GNL1: variants seen among roughly 807,000 people sequenced by gnomAD.
The protein encoded by GNL1 is guanine nucleotide-binding protein-like 1.
In GNL1, 21 loss-of-function variants were observed where a neutral mutation model predicts 75.2. That is an observed-to-expected ratio of 0.28 (90% CI 0.20 to 0.40). The LOEUF (loss-of-function observed/expected upper bound fraction) is 0.40, where lower values mean the gene tolerates loss of function less well. GNL1 is among the 10% of genes least tolerant of loss of function. The pLI, the probability that GNL1 is intolerant of heterozygous loss-of-function variation, is 1.00. For synonymous variants in GNL1, 287 were observed against 303.4 expected, an observed-to-expected ratio of 0.95 and a Z score of 0.56; for missense variants, 579 against 775.0, an observed-to-expected ratio of 0.75 and a Z score of 3.00.
In GNL1 at chr6:30,550,478, C is replaced by T. The variant is rs184893579; in HGVS notation, c.1099+1989G>A. On this transcript the variant is annotated intron_variant, in intron 8 of 11. Transcript: ENST00000376621. Reference sequence around the variant, plus strand: ...CTACCTTCAAAATATATCATGCTTCCGGCCCTGTCTCACCACCTCCAGCTC... The same window carrying T: ...CTACCTTCAAAATATATCATGCTTCTGGCCCTGTCTCACCACCTCCAGCTC... Among the ~76,000 whole-genome samples, 147 of 152,236 alleles carry T rather than the reference C, an allele frequency of 9.7e-4. 1 individual carries two copies. The highest frequency in any genetic ancestry group is 7.1e-3 in the Admixed American group (109 of 15,286).
intron 5 of GNL1, 141 bp from the exon 6 acceptor site, chr6:30,553,698 A>G: frequency 1.6e-6 from 1 of 636,276 alleles, no homozygotes; most frequent in Non-Finnish European, 2.8e-6. Flanking sequence ...AAACCAGACA[A>G]ACTGAAAAAC....
rs1389705730 is a variant in GNL1 at position 30,544,845 on chromosome 6, TCTC to T, written c.*1224_*1226del. 6.6e-6 allele frequency: 1 copy of T among 152,154 alleles called. No individual in the cohort carries two copies. Among genetic ancestry groups the T allele is most frequent in the Non-Finnish European group, 1.5e-5 (1 of 68,034 alleles). 9.4% of individuals were successfully genotyped at this position (152,154 alleles called of 1,614,324 possible). On this transcript the variant is annotated 3_prime_UTR_variant, in exon 12 of 12. Coordinates refer to ENST00000376621, the MANE Select transcript of GNL1 (RefSeq NM_005275.5). ...TTAGAGAAAAAAGGAGTCTGGTACTTCTCACTCCATCTAGTGGGCAACCTGTCC... is the reference window on the plus strand; with the variant it reads ...TTAGAGAAAAAAGGAGTCTGGTACTTACTCCATCTAGTGGGCAACCTGTCC...
chr6:30,555,543 TCC>T lies in GNL1; in HGVS notation c.239+10_239+11del. ...CGGGAAAGCCGGGACCAGCGCCCCC[TCC>T]CACCCTCACCGATTTGGGTCGTAGC... On this transcript the variant is annotated intron_variant, in intron 2 of 11. Transcript: ENST00000376621. This position sits in a 1 kb window ranked among gnomAD's most constrained non-coding sequence, Gnocchi z 4.3. 6.2e-7 allele frequency: 1 copy of T among 1,610,260 alleles called. No individual in the cohort carries two copies. The highest frequency in any genetic ancestry group is 8.5e-7 in the Non-Finnish European group (1 of 1,177,450).
chr6:30,551,449 G>A (rs539521119), intron 8 of GNL1, among the ~76,000 whole-genome samples: 4 of 152,230 alleles, frequency 2.6e-5, no homozygotes, highest in African/African-American at 9.6e-5. Flanking sequence ...ATTTATTCTG[G>A]GTTGGGCCCT....
rs746870988 is a variant in GNL1 at position 30,555,790 on chromosome 6, G to C, written c.74-70C>G. 44 of 1,483,636 alleles carry C rather than the reference G, an allele frequency of 3.0e-5. No homozygotes were observed. The African/African-American group carries it at 5.4e-4, about 18-fold the overall frequency. 91.9% of individuals were successfully genotyped at this position (1,483,636 alleles called of 1,614,324 possible). The stretch of plus-strand genomic sequence containing the variant: ...GGCCATAAGACCCTCTCCCCCATCG[G>C]CCTGACTCCCTTTCATCCCACTCAA... On this transcript the variant is annotated intron_variant, in intron 1 of 11. Transcript: ENST00000376621. The surrounding 1 kb of genome is among the most constrained non-coding windows in gnomAD (Gnocchi z 4.3).
In GNL1 at chr6:30,554,928, G is replaced by C; in HGVS notation, c.377-13C>G. ...GGAAAGTCCAGAACTGGGAATTCAGGAAAAAGTCCAAGTGTGAGGAAATCT... is the reference window on the plus strand; with the variant it reads ...GGAAAGTCCAGAACTGGGAATTCAGCAAAAAGTCCAAGTGTGAGGAAATCT... On this transcript the variant is annotated splice_polypyrimidine_tract_variant and intron_variant, in intron 3 of 11. Coordinates refer to ENST00000376621, the MANE Select transcript of GNL1 (RefSeq NM_005275.5). The C allele has an allele frequency of 6.2e-7, 1 of 1,612,526 alleles. No homozygotes were observed. The highest frequency in any genetic ancestry group is 1.1e-5 in the South Asian group (1 of 91,062).
rs1799851057 is a variant in GNL1, at chr6:30,552,503, G to A, written c.1063C>T (p.Arg355Cys). The A allele has an allele frequency of 3.7e-6, 6 of 1,614,002 alleles. No homozygotes were observed. The highest frequency in any genetic ancestry group is 5.1e-6 in the Non-Finnish European group (6 of 1,179,938). Residue 355 changes from arginine (R) to cysteine (C), a missense_variant, in exon 8 of 12, where the codon CGC becomes TGC. Physicochemically the swap from Arg to Cys is radical, Grantham distance 180 (BLOSUM62 -3). Transcript: ENST00000376621. This position sits in a 1 kb window ranked among gnomAD's most constrained non-coding sequence, Gnocchi z 4.5. The stretch of plus-strand genomic sequence containing the variant: ...ATGGTCACCACCCCATCCTTGTAGC[G>A]CTCTTGGGTTGGGCCAGTTGGCTCC... ...AMEPTGPTQE[R>C]YKDGVVTIGC...
chr6:30,548,337 C>T lies in GNL1; in HGVS notation c.1100-807G>A, dbSNP rs557418237. On this transcript the variant is annotated intron_variant, in intron 8 of 11. Transcript: ENST00000376621. The surrounding 1 kb of genome is among the most constrained non-coding windows in gnomAD (Gnocchi z 4.2). ...ACAGAGCATCTCCTTTACCCCACCT[C>T]AGCTGCCCACTCCCATGGTAATACC... Among the ~76,000 whole-genome samples, 1 of 152,188 alleles carries T rather than the reference C, an allele frequency of 6.6e-6. No individual in the cohort carries two copies. The highest frequency in any genetic ancestry group is 6.6e-5 in the Admixed American group (1 of 15,262).
chr6:30,554,904 G>T lies in GNL1; in HGVS notation c.388C>A (p.Pro130Thr). Reference sequence around the variant, plus strand: ...TCATAGCTCCAAGGAGGACGTCGAGGAAAGTCCAGAACTGGGAATTCAGGA... The same window carrying T: ...TCATAGCTCCAAGGAGGACGTCGAGTAAAGTCCAGAACTGGGAATTCAGGA... Reference protein sequence around the residue: ...VYQPGSVLDFPRRPPWSYEMS... With the variant: ...VYQPGSVLDFTRRPPWSYEMS... Residue 130 changes from proline (P) to threonine (T), a missense_variant, in exon 4 of 12, where the codon CCT becomes ACT. Physicochemically the swap from Pro to Thr is conservative, Grantham distance 38 (BLOSUM62 -1). Coordinates refer to ENST00000376621, the MANE Select transcript of GNL1 (RefSeq NM_005275.5). The T allele has an allele frequency of 6.2e-7, 1 of 1,612,936 alleles. No individual in the cohort carries two copies. The highest frequency in any genetic ancestry group is 8.5e-7 in the Non-Finnish European group (1 of 1,179,922).
intron 8 of GNL1, among the ~76,000 whole-genome samples, chr6:30,549,985 G>A (rs962968899): frequency 6.6e-5 from 10 of 151,754 alleles, no homozygotes; most frequent in Admixed American, 5.3e-4. Context: ...CACCACACAC[G>A]GCTAATTTTC....
rs111717500 is a variant in GNL1, at chr6:30,553,590, G to A, written c.601-33C>T. Reference sequence around the variant, plus strand: ...AGAGTTGATAAGAGGATGGAGCAGTGAAAGTCAACCCAGAGTTCTCTGCCT... The same window carrying A: ...AGAGTTGATAAGAGGATGGAGCAGTAAAAGTCAACCCAGAGTTCTCTGCCT... On this transcript the variant is annotated intron_variant, in intron 5 of 11. Transcript: ENST00000376621. The A allele has an allele frequency of 2.0e-6, 3 of 1,505,566 alleles. 1 individual carries two copies. The allele number at this position is 1,505,566 out of a possible 1,614,324, so 93.3% of individuals were successfully genotyped here. A position where few individuals can be genotyped will look rare whatever the true frequency, so the allele number is the denominator to read the frequency against.
In GNL1 at chr6:30,548,799, C is replaced by T. The variant is rs1437731121; in HGVS notation, c.1100-1269G>A. 6.6e-6 allele frequency among the ~76,000 whole-genome samples: 1 copy of T among 152,168 alleles called. No individual in the cohort carries two copies. The highest frequency in any genetic ancestry group is 1.5e-5 in the Non-Finnish European group (1 of 68,034). ...GGAGAAAAAAGTTCTCCTTTGACGACCACCACCAGACCTAGTTCTCTGTCC... is the reference window on the plus strand; with the variant it reads ...GGAGAAAAAAGTTCTCCTTTGACGATCACCACCAGACCTAGTTCTCTGTCC... On this transcript the variant is annotated intron_variant, in intron 8 of 11. Coordinates refer to ENST00000376621, the MANE Select transcript of GNL1 (RefSeq NM_005275.5). This position sits in a 1 kb window ranked among gnomAD's most constrained non-coding sequence, Gnocchi z 4.2.
Position 30,552,297 on chromosome 6 carries a change from G to T in GNL1, c.1099+170C>A, listed in dbSNP as rs890425856. 1 of 552,634 alleles carries T rather than the reference G, an allele frequency of 1.8e-6. No individual in the cohort carries two copies. The highest frequency in any genetic ancestry group is 3.2e-6 in the Non-Finnish European group (1 of 309,046). 34.2% of individuals were successfully genotyped at this position (552,634 alleles called of 1,614,324 possible). A position where few individuals can be genotyped will look rare whatever the true frequency, so the allele number is the denominator to read the frequency against. On this transcript the variant is annotated intron_variant, in intron 8 of 11. Transcript: ENST00000376621. The surrounding 1 kb of genome is among the most constrained non-coding windows in gnomAD (Gnocchi z 4.5). ...GGTGGAATTTAACTCAGGCTGTCAT[G>T]ATCCTTCCACTGCAGCAGACGCCTC...
rs1799554118 is a variant in GNL1 at position 30,548,053 on chromosome 6, G to A, written c.1100-523C>T. Among the ~76,000 whole-genome samples, 2 of 152,110 alleles carry A rather than the reference G, an allele frequency of 1.3e-5. No homozygotes were observed. The highest frequency in any genetic ancestry group is 4.8e-5 in the African/African-American group (2 of 41,404). ...TAGCTGGGCGTGGTGGTGGGCGCCTGTAATTGCAGCTACTTGGGAGGCTGA... is the reference window on the plus strand; with the variant it reads ...TAGCTGGGCGTGGTGGTGGGCGCCTATAATTGCAGCTACTTGGGAGGCTGA... On this transcript the variant is annotated intron_variant, in intron 8 of 11. Coordinates refer to ENST00000376621, the MANE Select transcript of GNL1 (RefSeq NM_005275.5). This position sits in a 1 kb window ranked among gnomAD's most constrained non-coding sequence, Gnocchi z 4.2.
At chr6:30,550,772 C>T (rs1362033559) in intron 8 of GNL1, among the ~76,000 whole-genome samples, 2 of 152,106 alleles carry the variant, frequency 1.3e-5, no homozygotes, top group Non-Finnish European at 2.9e-5. Flanking sequence ...ACCTCATCCC[C>T]AGTACTTTAT....
At position 30,547,653 on chromosome 6, in the gene GNL1, C is replaced by T. The variant is rs183144866; in HGVS notation, c.1100-123G>A. 6,328 of 832,986 alleles carry T rather than the reference C, an allele frequency of 7.6e-3. 33 individuals carry two copies. Among genetic ancestry groups the T allele is most frequent in the Non-Finnish European group, 0.01 (5,254 of 522,946 alleles). 51.6% of individuals were successfully genotyped at this position (832,986 alleles called of 1,614,324 possible). On this transcript the variant is annotated intron_variant, in intron 8 of 11. Transcript: ENST00000376621. This position sits in a 1 kb window ranked among gnomAD's most constrained non-coding sequence, Gnocchi z 5.5. Reference sequence around the variant, plus strand: ...ATTAAGGAAATGGTATTGCAGAATACAAATCACGCTCTGGGCTGCCAGGGT... The same window carrying T: ...ATTAAGGAAATGGTATTGCAGAATATAAATCACGCTCTGGGCTGCCAGGGT...
Position 30,555,595 on chromosome 6 carries a change from G to T in GNL1, c.199C>A (p.Pro67Thr), listed in dbSNP as rs376612084. The T allele has an allele frequency of 6.2e-7, 1 of 1,613,852 alleles. No homozygotes were observed. The highest frequency in any genetic ancestry group is 1.3e-5 in the African/African-American group (1 of 74,912). The stretch of plus-strand genomic sequence containing the variant: ...CCTCGTGGACCCAGCCCCTGAGAAG[G>T]CTGCTGGTTAAGCCTGCGGATATGA... Reference protein sequence around the residue: ...THHIRRLNQQPSQGLGPRGYD... With the variant: ...THHIRRLNQQTSQGLGPRGYD... The change falls in exon 2 of 12, where the codon CCT (proline) becomes ACT (threonine). Residue 67 changes from proline to threonine, a missense_variant. Transcript: ENST00000376621. The surrounding 1 kb of genome is among the most constrained non-coding windows in gnomAD (Gnocchi z 4.3).
At chr6:30,554,481 A>G (rs1232780966) in intron 5 of GNL1, 94 bp downstream of exon 5, 2 of 790,898 alleles carry the variant, frequency 2.5e-6, no homozygotes, top group Non-Finnish European at 4.6e-6. Context: ...ACAGGAAGAT[A>G]GATACCTCTC....
rs953332521 is a variant in GNL1 at position 30,556,053 on chromosome 6, G to C, written c.73+78C>G. On this transcript the variant is annotated intron_variant, in intron 1 of 11. Coordinates refer to ENST00000376621, the MANE Select transcript of GNL1 (RefSeq NM_005275.5). This position sits in a 1 kb window ranked among gnomAD's most constrained non-coding sequence, Gnocchi z 5.7. ...CCACGACCCCCTCCCACGATCCCCA[G>C]AGGTGCAGCGGGCACACCCCTCCTT... 16 of 1,547,012 alleles carry C rather than the reference G, an allele frequency of 1.0e-5. No individual in the cohort carries two copies. The highest frequency in any genetic ancestry group is 1.4e-5 in the Non-Finnish European group (16 of 1,133,838).
Sources: allele counts gnomAD v4.1 joint callset (sites outside exome capture counted in the v4.1 genomes callset), GRCh38; gene constraint gnomAD v4.1.1; non-coding constraint Gnocchi (gnomAD v3.1); transcripts MANE v1.5; gene names NCBI Gene and HGNC (gene_info 2026-07-23, HGNC 2026-07-21).